Variants in LRRTM4 observed in about 807,000 individuals in gnomAD.
LRRTM4 encodes leucine-rich repeat transmembrane neuronal protein 4.
A neutral mutation model predicts 47.6 loss-of-function variants in LRRTM4; 25 were observed. The observed-to-expected ratio is 0.53, with a 90% CI of 0.38 to 0.73. The LOEUF (loss-of-function observed/expected upper bound fraction) is 0.73. Among genes scored for constraint, LRRTM4 ranks in the 30% least tolerant of loss-of-function variants. The pLI, the probability that LRRTM4 is intolerant of heterozygous loss-of-function variation, is 0.00. For missense variants in LRRTM4, 638 were observed against 713.4 expected (o/e 0.89, Z 1.20); for synonymous variants, 311 against 269.5 (o/e 1.15, Z -1.51).
chr2:77,215,139 T>A (rs1674400868), intron 3 of LRRTM4, among the ~76,000 whole-genome samples: 1 of 152,176 alleles, frequency 6.6e-6, no homozygotes, highest in African/African-American at 2.4e-5. Flanking sequence ...GAATAATCTT[T>A]CTTCATTTAA....
intron 3 of LRRTM4, among the ~76,000 whole-genome samples, chr2:77,444,732 G>T (rs1675982482): frequency 6.6e-6 from 1 of 151,856 alleles, no homozygotes; most frequent in Non-Finnish European, 1.5e-5. Flanking sequence ...TAAACTCACA[G>T]GTTATTGAAT....
chr2:77,010,777 GAATA>G (rs893785484), intron 3 of LRRTM4, among the ~76,000 whole-genome samples: 1 of 152,046 alleles, frequency 6.6e-6, no homozygotes, highest in Non-Finnish European at 1.5e-5. Context: ...TTTGTTAAAT[GAATA>G]AATAAATAAT....
chr2:77,108,644 C>T (rs1452187479), intron 3 of LRRTM4, among the ~76,000 whole-genome samples: 3 of 146,372 alleles, frequency 2.0e-5, no homozygotes, highest in South Asian at 2.1e-4. Context: ...AGTGCAGTGG[C>T]GGGATCTGGG....
chr2:77,043,999 T>C (rs560846797), intron 3 of LRRTM4, among the ~76,000 whole-genome samples: 19 of 151,798 alleles, frequency 1.3e-4, no homozygotes, highest in Admixed American at 5.9e-4. Flanking sequence ...AATGCTCCCA[T>C]ATGGAGGATT....
intron 3 of LRRTM4, among the ~76,000 whole-genome samples, chr2:76,895,905 C>A (rs975759165): frequency 1.3e-5 from 2 of 151,934 alleles, no homozygotes; most frequent in African/African-American, 4.8e-5. Context: ...ATATGGGCTT[C>A]CACTCAGCTG....
intron 3 of LRRTM4, among the ~76,000 whole-genome samples, chr2:76,939,739 A>AGG (rs1675072988): frequency 6.6e-6 from 1 of 152,130 alleles, no homozygotes; most frequent in Non-Finnish European, 1.5e-5. Context: ...TACATGCTCT[A>AGG]ATTTTTAAGT....
rs543471166 is a variant in LRRTM4 at position 76,912,795 on chromosome 2, G to A, written c.1552-163879C>T. 1.1e-3 allele frequency among the ~76,000 whole-genome samples: 171 copies of A among 152,234 alleles called. 1 individual carries two copies. Among genetic ancestry groups the A allele is most frequent in the African/African-American group, 3.9e-3 (161 of 41,540 alleles). ...TTGTGAGATCTGGTGATTTAAAAGG[G>A]TGTGGCACCTCCCCCACTCTCATCC... On this transcript the variant is annotated intron_variant, in intron 3 of 3. Coordinates refer to ENST00000409884, the MANE Select transcript of LRRTM4 (RefSeq NM_001134745.3).
intron 3 of LRRTM4, among the ~76,000 whole-genome samples, chr2:77,347,585 G>T (rs1671614184): frequency 6.6e-6 from 1 of 151,996 alleles, no homozygotes; most frequent in Non-Finnish European, 1.5e-5. Context: ...CAGATTAGTT[G>T]TGTTTTTTAA....
At chr2:77,050,184 G>A (rs1240080533) in intron 3 of LRRTM4, among the ~76,000 whole-genome samples, 1 of 147,756 alleles carries the variant, frequency 6.8e-6, no homozygotes, top group East Asian at 2.0e-4. Context: ...TACAATCAGG[G>A]AATTTTATGT....
chr2:76,848,414 T>C (rs1307237038), intron 3 of LRRTM4, among the ~76,000 whole-genome samples: 2 of 152,122 alleles, frequency 1.3e-5, no homozygotes, highest in Admixed American at 1.3e-4. Context: ...AATTATATAC[T>C]TCCCTCAAAT....
chr2:76,872,405 C>G (rs1310667480), intron 3 of LRRTM4, among the ~76,000 whole-genome samples: 4 of 151,924 alleles, frequency 2.6e-5, no homozygotes, highest in Admixed American at 2.6e-4. Context: ...GAGTGCTACT[C>G]CCTACTTGGC....
chr2:77,003,490 G>A (rs1437023085), intron 3 of LRRTM4, among the ~76,000 whole-genome samples: 2 of 152,134 alleles, frequency 1.3e-5, no homozygotes, highest in Non-Finnish European at 2.9e-5. Context: ...TAAGTCTCAA[G>A]AGATCTGATG....
At chr2:77,442,550 T>C (rs1235133961) in intron 3 of LRRTM4, among the ~76,000 whole-genome samples, 1 of 152,238 alleles carries the variant, frequency 6.6e-6, no homozygotes, top group Non-Finnish European at 1.5e-5. Flanking sequence ...TCCTCAAAGC[T>C]GCATGTGTAG....
rs748742600 is a variant in LRRTM4, at chr2:77,021,875, C to T, written c.1552-272959G>A. ...CATACATTGTTTAATGATTGCCACA[C>T]CCAAATTAATTATGGTATCTATCAC... is the stretch of plus-strand genomic sequence containing the variant. On this transcript the variant is annotated intron_variant, in intron 3 of 3. Transcript: ENST00000409884. Among the ~76,000 whole-genome samples the T allele has an allele frequency of 1.3e-3, 193 of 152,256 alleles. 1 individual carries two copies. Among genetic ancestry groups the T allele is most frequent in the Non-Finnish European group, 1.7e-3 (117 of 68,016 alleles).
At chr2:77,385,165 CCT>C (rs1403988187) in intron 3 of LRRTM4, among the ~76,000 whole-genome samples, 1 of 151,946 alleles carries the variant, frequency 6.6e-6, no homozygotes, top group Admixed American at 6.6e-5. Flanking sequence ...AAAACTTGCC[CCT>C]GAGAAACAAA....
intron 3 of LRRTM4, among the ~76,000 whole-genome samples, chr2:77,347,889 TATATC>T (rs1483395591): frequency 2.0e-5 from 3 of 152,026 alleles, no homozygotes; most frequent in Non-Finnish European, 4.4e-5. Context: ...TATATCTACT[TATATC>T]TATCTAAGCA....
intron 3 of LRRTM4, among the ~76,000 whole-genome samples, chr2:77,279,650 T>C (rs900510344): frequency 4.6e-5 from 7 of 151,930 alleles, no homozygotes; most frequent in Non-Finnish European, 7.4e-5. Flanking sequence ...AACCCTTCAG[T>C]CTATTTTTAA....
intron 3 of LRRTM4, among the ~76,000 whole-genome samples, chr2:76,807,593 TTTA>T (rs541996994): frequency 2.7e-5 from 4 of 150,470 alleles, no homozygotes; most frequent in Admixed American, 6.7e-5. Context: ...ATTTCTTTAT[TTTA>T]TTATTATTAT....
At chr2:76,805,396 T>C (rs1478419261) in intron 3 of LRRTM4, among the ~76,000 whole-genome samples, 2 of 152,110 alleles carry the variant, frequency 1.3e-5, no homozygotes, top group Admixed American at 6.5e-5. Flanking sequence ...AAATAAACTA[T>C]CATTTTATAT....
Sources: allele counts gnomAD v4.1 joint callset (sites outside exome capture counted in the v4.1 genomes callset), GRCh38; gene constraint gnomAD v4.1.1; transcripts MANE v1.5; gene names NCBI Gene and HGNC (gene_info 2026-07-23, HGNC 2026-07-21).